HMX1: variants seen among roughly 807,000 people sequenced by gnomAD.
HMX1 encodes homeobox protein HMX1.
Under a neutral mutation model 8.9 loss-of-function variants are expected in HMX1, and 8 were observed. The ratio of observed to expected loss-of-function variants is 0.90; its 90% confidence interval spans 0.53 to 1.63. HMX1 has a LOEUF of 1.63. Among genes scored for constraint, HMX1 ranks in the 40% most tolerant of loss-of-function variants. HMX1 has a pLI of 0.00. For missense variants in HMX1, 621 were observed against 558.5 expected (o/e 1.11, Z -1.13); for synonymous variants, 311 against 283.4 (o/e 1.10, Z -0.98).
intron 1 of HMX1, among the ~76,000 whole-genome samples, chr4:8,857,323 C>T (rs1321730663): frequency 1.3e-5 from 2 of 152,168 alleles, no homozygotes; most frequent in African/African-American, 4.8e-5. Flanking sequence ...CCTGGAGGGT[C>T]GGGCGGCGGC....
rs557441898 is a variant in HMX1 at position 8,868,588 on chromosome 4, C to G, written c.395-243G>C. Reference sequence around the variant, plus strand: ...CAACACACCAACACCCCGCAACACACAAACACAAACGCACACCCATGCCAG... The same window carrying G: ...CAACACACCAACACCCCGCAACACAGAAACACAAACGCACACCCATGCCAG... On this transcript the variant is annotated intron_variant, in intron 1 of 1. Coordinates refer to ENST00000400677, the MANE Select transcript of HMX1 (RefSeq NM_018942.3). This position sits in a 1 kb window ranked among gnomAD's most constrained non-coding sequence, Gnocchi z 4.6. 6.6e-6 allele frequency among the ~76,000 whole-genome samples: 1 copy of G among 152,250 alleles called. No individual in the cohort carries two copies. Among genetic ancestry groups the G allele is most frequent in the South Asian group, 2.1e-4 (1 of 4,816 alleles).
intron 1 of HMX1, among the ~76,000 whole-genome samples, chr4:8,854,315 G>A (rs947842626): frequency 2.0e-5 from 3 of 152,276 alleles, no homozygotes; most frequent in African/African-American, 7.2e-5. Flanking sequence ...TGATGCCGGG[G>A]AGAACCCTGA....
chr4:8,869,359 G>C (rs944404803), intron 1 of HMX1, among the ~76,000 whole-genome samples: 11 of 152,326 alleles, frequency 7.2e-5, no homozygotes, highest in African/African-American at 2.4e-4. Flanking sequence ...AGGCTGACTC[G>C]GACCCGCTGC....
chr4:8,860,052 C>T (rs895228528), intron 1 of HMX1, among the ~76,000 whole-genome samples: 1 of 152,368 alleles, frequency 6.6e-6, no homozygotes, highest in African/African-American at 2.4e-5. Flanking sequence ...GTGCTGACAG[C>T]GCGAACTGCG....
rs944057811 is a variant in HMX1, at chr4:8,870,324, C to T, written c.394+897G>A. 2.6e-5 allele frequency among the ~76,000 whole-genome samples: 4 copies of T among 151,860 alleles called. No homozygotes were observed. The highest frequency in any genetic ancestry group is 2.1e-4 in the South Asian group (1 of 4,794). On this transcript the variant is annotated intron_variant, in intron 1 of 1. Transcript: ENST00000400677. This position sits in a 1 kb window ranked among gnomAD's most constrained non-coding sequence, Gnocchi z 4.4. ...AAGGGCAGGTACAAAAGGGAGGCAG[C>T]GACCCTGGAACCCTGGGGAGGGGAA...
downstream of HMX1, among the ~76,000 whole-genome samples, chr4:8,862,441 C>T (rs983871347): frequency 1.3e-5 from 2 of 152,306 alleles, no homozygotes; most frequent in East Asian, 1.9e-4. Flanking sequence ...AGTGAATTCC[C>T]GTGTACCCAC....
rs909974792 is a variant in HMX1 at position 8,870,961 on chromosome 4, C to T, written c.394+260G>A. ...CTGTTGTCCCCTGTCCCCAGCCTCC[C>T]TGGGACCGGAGGAGCCCGGCAATGG... On this transcript the variant is annotated intron_variant, in intron 1 of 1. Transcript: ENST00000400677. The surrounding 1 kb of genome is among the most constrained non-coding windows in gnomAD (Gnocchi z 4.4). Among the ~76,000 whole-genome samples the T allele has an allele frequency of 4.7e-4, 72 of 152,252 alleles. No individual in the cohort carries two copies. The highest frequency in any genetic ancestry group is 4.1e-3 in the Admixed American group (62 of 15,306).
chr4:8,856,386 G>C (rs1307398980), intron 1 of HMX1, among the ~76,000 whole-genome samples: 1 of 152,182 alleles, frequency 6.6e-6, no homozygotes, highest in African/African-American at 2.4e-5. Flanking sequence ...ATCTCTTCTG[G>C]TAGTGGTTTA....
At chr4:8,846,398 C>T in intron 1 of HMX1, 1 of 1,165,006 alleles carries the variant, frequency 8.6e-7, no homozygotes, top group Non-Finnish European at 1.2e-6. Flanking sequence ...CCTGGATGCT[C>T]CACTGCCAGC....
chr4:8,863,411 T>A (rs2109467550), downstream of HMX1, among the ~76,000 whole-genome samples: 1 of 152,290 alleles, frequency 6.6e-6, no homozygotes, highest in Non-Finnish European at 1.5e-5. Flanking sequence ...CCAGCCAGAG[T>A]CCAGAGCCTT....
chr4:8,863,596 G>C (rs575193708), downstream of HMX1, among the ~76,000 whole-genome samples: 1 of 152,222 alleles, frequency 6.6e-6, no homozygotes, highest in Non-Finnish European at 1.5e-5. Flanking sequence ...CCCCATGGGG[G>C]TTCGGGAGTG....
At chr4:8,866,310 C>T (rs1439593673), downstream of HMX1, among the ~76,000 whole-genome samples, 8 of 152,238 alleles carry the variant, frequency 5.3e-5, no homozygotes, top group African/African-American at 1.9e-4. Flanking sequence ...CGTCTACACC[C>T]AAGTGAAGCA....
intron 1 of HMX1, among the ~76,000 whole-genome samples, chr4:8,869,293 C>T (rs568920186): frequency 6.6e-6 from 1 of 152,316 alleles, no homozygotes; most frequent in African/African-American, 2.4e-5. Context: ...CAGCCGGGAC[C>T]CAGAAGCACT....
chr4:8,867,653 G>T lies in HMX1; in HGVS notation c.*40C>A. 8.2e-7 allele frequency: 1 copy of T among 1,225,328 alleles called. No individual in the cohort carries two copies. Among genetic ancestry groups the T allele is most frequent in the Non-Finnish European group, 1.0e-6 (1 of 982,890 alleles). 75.9% of individuals were successfully genotyped at this position (1,225,328 alleles called of 1,614,324 possible). A position where few individuals can be genotyped will look rare whatever the true frequency, so the allele number is the denominator to read the frequency against. On this transcript the variant is annotated 3_prime_UTR_variant, in exon 2 of 2. Coordinates refer to ENST00000400677, the MANE Select transcript of HMX1 (RefSeq NM_018942.3). ...TGCCGCTGAATCGCGCGTCCACACA[G>T]GTCCACAGGGTCGTGGGGAGAGGGC...
chr4:8,871,235 C>T lies in HMX1; in HGVS notation c.380G>A (p.Gly127Asp). The T allele has an allele frequency of 6.7e-7, 1 of 1,482,798 alleles. No homozygotes were observed. The highest frequency in any genetic ancestry group is 2.9e-5 in the East Asian group (1 of 34,646). 91.9% of individuals were successfully genotyped at this position (1,482,798 alleles called of 1,614,324 possible). A position where few individuals can be genotyped will look rare whatever the true frequency, so the allele number is the denominator to read the frequency against. Residue 127 changes from glycine (G) to aspartate (D), a missense_variant, in exon 1 of 2, where the codon GGC becomes GAC. Transcript: ENST00000400677. This position sits in a 1 kb window ranked among gnomAD's most constrained non-coding sequence, Gnocchi z 4.8. ...CCCTCACTCACTGTCAGGACTGAGG[C>T]CGCCTCCATAGCCACCGTGCGCCCG... ...YPRAHGGYGG[G>D]LSPDTSDRDS...
chr4:8,863,334 G>A (rs1241920388), downstream of HMX1, among the ~76,000 whole-genome samples: 1 of 152,214 alleles, frequency 6.6e-6, no homozygotes, highest in Non-Finnish European at 1.5e-5. Context: ...ACTCTTGGGG[G>A]AGAGGCACTG....
chr4:8,860,463 T>C (rs958758245), intron 1 of HMX1, among the ~76,000 whole-genome samples: 5 of 152,162 alleles, frequency 3.3e-5, no homozygotes, highest in African/African-American at 1.2e-4. Context: ...CAAGACGGGC[T>C]CAGAGAGATG....
chr4:8,851,239 T>G (rs1721440232), intron 1 of HMX1, among the ~76,000 whole-genome samples: 1 of 152,204 alleles, frequency 6.6e-6, no homozygotes, highest in Admixed American at 6.5e-5. Flanking sequence ...GGTTCGGGTC[T>G]TCGTGGCAGA....
chr4:8,861,119 A>G (rs1007494952), intron 1 of HMX1, among the ~76,000 whole-genome samples: 2 of 152,036 alleles, frequency 1.3e-5, no homozygotes, highest in Non-Finnish European at 2.9e-5. Flanking sequence ...AGCTGGCGCC[A>G]CTGTCGGGGT....
Sources: allele counts gnomAD v4.1 joint callset (sites outside exome capture counted in the v4.1 genomes callset), GRCh38; gene constraint gnomAD v4.1.1; non-coding constraint Gnocchi (gnomAD v3.1); transcripts MANE v1.5; gene names NCBI Gene and HGNC (gene_info 2026-07-23, HGNC 2026-07-21).